Variants in OSBP observed in about 807,000 individuals in gnomAD.
OSBP encodes oxysterol-binding protein 1.
Under a neutral mutation model 96.6 loss-of-function variants are expected in OSBP, and 32 were observed. The observed-to-expected ratio is 0.33, with a 90% CI of 0.25 to 0.45. The LOEUF is 0.45. Ranked by LOEUF, OSBP falls within the 20% of genes least tolerant of loss-of-function variation. The pLI, the probability that OSBP is intolerant of heterozygous loss-of-function variation, is 1.00. For missense variants in OSBP, 653 were observed against 1,029.7 expected, an observed-to-expected ratio of 0.63 and a Z score of 5.01; for synonymous variants, 369 against 389.6, an observed-to-expected ratio of 0.95 and a Z score of 0.62.
At chr11:59,586,178 G>GAAAAAAAAAAAAAGA (rs1860497783) in intron 9 of OSBP, among the ~76,000 whole-genome samples, 1 of 60,404 alleles carries the variant, frequency 1.7e-5, no homozygotes, top group Non-Finnish European at 3.8e-5. Flanking sequence ...AATAAATAAA[G>GAAAAAAAAAAAAAGA]AAAAAAAAAA....
rs909574156 is a variant in OSBP, at chr11:59,576,410, A to G, written c.*167T>C. The G allele has an allele frequency of 1.8e-5, 13 of 733,556 alleles. No homozygotes were observed. Among genetic ancestry groups the G allele is most frequent in the African/African-American group, 1.2e-4 (7 of 56,694 alleles). 45.4% of individuals were successfully genotyped at this position (733,556 alleles called of 1,614,324 possible). ...TTCAATCAGCTAAGGCAACCAGCCAATCACCACCACTGGTGTCTCCTTCTG... is the reference window on the plus strand; with the variant it reads ...TTCAATCAGCTAAGGCAACCAGCCAGTCACCACCACTGGTGTCTCCTTCTG... On this transcript the variant is annotated 3_prime_UTR_variant, in exon 14 of 14. Transcript: ENST00000263847.
chr11:59,603,116 C>A (rs1860741886), intron 3 of OSBP, among the ~76,000 whole-genome samples: 1 of 152,226 alleles, frequency 6.6e-6, no homozygotes, highest in Non-Finnish European at 1.5e-5. Flanking sequence ...GCATTTTGCA[C>A]AAACTTCTAT....
intron 2 of OSBP, among the ~76,000 whole-genome samples, chr11:59,609,450 T>C (rs1860818900): frequency 6.6e-6 from 1 of 150,886 alleles, no homozygotes; most frequent in South Asian, 2.1e-4. Flanking sequence ...CAGTGTCACT[T>C]CCTTTGGAGG....
chr11:59,575,087 CA>C lies in OSBP; in HGVS notation c.*1489del. On this transcript the variant is annotated 3_prime_UTR_variant, in exon 14 of 14. Coordinates refer to ENST00000263847, the MANE Select transcript of OSBP (RefSeq NM_002556.3). ...GCCCCACAGGAGCAATTATCTGATC[CA>C]CCCCACATGACGGTGCTTTAAGCCC... 6.6e-6 allele frequency: 1 copy of C among 151,916 alleles called. No homozygotes were observed. The highest frequency in any genetic ancestry group is 2.4e-5 in the African/African-American group (1 of 41,440). The allele number at this position is 151,916 out of a possible 1,614,324, so 9.4% of individuals were successfully genotyped here. A position where few individuals can be genotyped will look rare whatever the true frequency, so the allele number is the denominator to read the frequency against.
chr11:59,583,632 C>CTTTT (rs1358364664), intron 9 of OSBP, among the ~76,000 whole-genome samples: 2 of 116,516 alleles, frequency 1.7e-5, no homozygotes, highest in Non-Finnish European at 3.5e-5. Context: ...TTCTAAATCT[C>CTTTT]TGTTTTTTTT....
chr11:59,588,326 G>C (rs1332974878), intron 9 of OSBP, among the ~76,000 whole-genome samples: 1 of 151,774 alleles, frequency 6.6e-6, no homozygotes, highest in Admixed American at 6.6e-5. Flanking sequence ...TTGAGGTCAG[G>C]AGTTCAAGAA....
intron 7 of OSBP, among the ~76,000 whole-genome samples, chr11:59,600,174 G>C (rs1191442925): frequency 6.6e-6 from 1 of 152,102 alleles, no homozygotes. Flanking sequence ...TTTCATGTCT[G>C]TCTCTTTTAA....
At chr11:59,607,548 G>C (rs1860796741) in intron 3 of OSBP, among the ~76,000 whole-genome samples, 1 of 151,928 alleles carries the variant, frequency 6.6e-6, no homozygotes, top group Non-Finnish European at 1.5e-5. Flanking sequence ...TGGCACTAGA[G>C]AGGTAATTTC....
intron 9 of OSBP, among the ~76,000 whole-genome samples, chr11:59,593,207 C>T (rs762625307): frequency 2.0e-5 from 3 of 152,072 alleles, no homozygotes; most frequent in Non-Finnish European, 2.9e-5. Flanking sequence ...GAGGAGAAAG[C>T]GGAAGGATTA....
At chr11:59,614,210 AGAT>A (rs1354193002) in intron 1 of OSBP, among the ~76,000 whole-genome samples, 1 of 152,236 alleles carries the variant, frequency 6.6e-6, no homozygotes, top group Non-Finnish European at 1.5e-5. Context: ...GTTTTAGGTT[AGAT>A]TAGTGTGAAC....
rs764596509 is a variant in OSBP, at chr11:59,583,634, G to GTTTT, written c.1679-2084_1679-2081dup. On this transcript the variant is annotated intron_variant, in intron 9 of 13. Transcript: ENST00000263847. The stretch of plus-strand genomic sequence containing the variant: ...CCACCTAAACATATTCTAAATCTCT[G>GTTTT]TTTTTTTTTTTTTTTTTTTTTTTTT... 4.7e-4 allele frequency among the ~76,000 whole-genome samples: 30 copies of GTTTT among 64,322 alleles called. 3 individuals are homozygous for GTTTT. The highest frequency in any genetic ancestry group is 7.1e-4 in the African/African-American group (11 of 15,496). The allele number at this position is 64,322 out of a possible 152,430, so 42.2% of individuals were successfully genotyped here. A position where few individuals can be genotyped will look rare whatever the true frequency, so the allele number is the denominator to read the frequency against.
At chr11:59,605,733 A>G (rs1353846717) in intron 3 of OSBP, among the ~76,000 whole-genome samples, 1 of 152,190 alleles carries the variant, frequency 6.6e-6, no homozygotes, top group Non-Finnish European at 1.5e-5. Context: ...TGCCAGAGAC[A>G]ATCATATGTC....
At position 59,615,590 on chromosome 11, in the gene OSBP, G is replaced by C; in HGVS notation, c.75C>G (p.Ala25=). 2 of 1,372,794 alleles carry C rather than the reference G, an allele frequency of 1.5e-6. No homozygotes were observed. Among genetic ancestry groups the C allele is most frequent in the Non-Finnish European group, 1.9e-6 (2 of 1,059,360 alleles). The allele number at this position is 1,372,794 out of a possible 1,614,324, so 85.0% of individuals were successfully genotyped here. ...CGCCTCCTCCCACCACTGGGGGACC[G>C]GCGCCGCCGCCGCCAAGTGCTGCAA... The part of the protein sequence containing the change: ...AAIAALGGGG[A]GPPVVGGGGG... Residue 25 remains alanine (A), a synonymous_variant, in exon 1 of 14, where the codon GCC becomes GCG. Transcript: ENST00000263847.
rs768604232 is a variant in OSBP, at chr11:59,615,429, G to A, written c.236C>T (p.Ser79Leu). ...GPAPAPPTGG[S>L]GGSGAGGSGS... ...CGAACCCCCAGCGCCCGAGCCGCCCGAGCCCCCAGTCGGCGGCGCAGGGGC... is the reference window on the plus strand; with the variant it reads ...CGAACCCCCAGCGCCCGAGCCGCCCAAGCCCCCAGTCGGCGGCGCAGGGGC... The change falls in exon 1 of 14, where the codon TCG becomes TTG. Residue 79 changes from serine (S) to leucine (L), a missense_variant. Transcript: ENST00000263847. The A allele has an allele frequency of 6.0e-6, 9 of 1,501,108 alleles. No individual in the cohort carries two copies. The Admixed American group carries it at 1.0e-4, about 17-fold the overall frequency. 93.0% of individuals were successfully genotyped at this position (1,501,108 alleles called of 1,614,324 possible). A position where few individuals can be genotyped will look rare whatever the true frequency, so the allele number is the denominator to read the frequency against.
intron 9 of OSBP, among the ~76,000 whole-genome samples, chr11:59,589,360 G>A (rs1295305863): frequency 6.6e-6 from 1 of 151,770 alleles, no homozygotes; most frequent in Non-Finnish European, 1.5e-5. Context: ...CAGCACTTTG[G>A]GAGGCCAAGG....
intron 3 of OSBP, among the ~76,000 whole-genome samples, chr11:59,606,444 A>C (rs1424352904): frequency 1.3e-5 from 2 of 152,130 alleles, no homozygotes; most frequent in African/African-American, 4.8e-5. Flanking sequence ...AAAAAAAAAA[A>C]AAACACATCT....
chr11:59,586,174 TAAAG>T (rs1212640560), intron 9 of OSBP, among the ~76,000 whole-genome samples: 1 of 46,576 alleles, frequency 2.1e-5, no homozygotes, highest in Non-Finnish European at 4.9e-5. Context: ...AAAAAATAAA[TAAAG>T]AAAAAAAAAA....
At position 59,601,213 on chromosome 11, in the gene OSBP, T is replaced by G. The variant is rs1447034817; in HGVS notation, c.1124+70A>C. On this transcript the variant is annotated intron_variant, in intron 5 of 13. Coordinates refer to ENST00000263847, the MANE Select transcript of OSBP (RefSeq NM_002556.3). ...TTTTAACCTTTTGATGGTTAAAATATGATGCTAAAATACCACCATATTGAT... is the reference window on the plus strand; with the variant it reads ...TTTTAACCTTTTGATGGTTAAAATAGGATGCTAAAATACCACCATATTGAT... 2.4e-5 allele frequency: 21 copies of G among 887,566 alleles called. No homozygotes were observed. The South Asian group carries it at 2.7e-4, about 12-fold the overall frequency. The allele number at this position is 887,566 out of a possible 1,614,324, so 55.0% of individuals were successfully genotyped here.
In OSBP at chr11:59,574,716, T is replaced by C. The variant is rs1860340661; in HGVS notation, c.*1861A>G. 6.6e-6 allele frequency: 1 copy of C among 152,562 alleles called. No individual in the cohort carries two copies. Among genetic ancestry groups the C allele is most frequent in the South Asian group, 2.1e-4 (1 of 4,832 alleles). The allele number at this position is 152,562 out of a possible 1,614,324, so 9.5% of individuals were successfully genotyped here. A position where few individuals can be genotyped will look rare whatever the true frequency, so the allele number is the denominator to read the frequency against. ...AAGCCTTGACATAATCCCTGGCTTA[T>C]TTTGGGAATAAGGTTCTTAGGAGGA... On this transcript the variant is annotated 3_prime_UTR_variant, in exon 14 of 14. Transcript: ENST00000263847.
Sources: gnomAD v4.1 joint callset for allele counts (sites outside exome capture counted in the v4.1 genomes callset) on GRCh38, gnomAD v4.1.1 for gene constraint, MANE v1.5 for transcripts, NCBI Gene and HGNC (gene_info 2026-07-23, HGNC 2026-07-21) for gene names.